The following LRRC53 variants were observed in gnomAD, a reference collection of about 807,000 sequenced individuals.
LRRC53 encodes leucine rich repeat containing 53, also known as leucine-rich repeat-containing protein 53.
Under a neutral mutation model 13.6 loss-of-function variants are expected in LRRC53, and 25 were observed. The ratio of observed to expected loss-of-function variants is 1.83; its 90% CI spans 1.34 to 2.56. The LOEUF (loss-of-function observed/expected upper bound fraction) is 2.56. LRRC53 is among the 30% of genes most tolerant of loss of function. LRRC53 has a pLI of 0.00. For missense variants in LRRC53, 527 were observed against 275.8 expected, an observed-to-expected ratio of 1.91 and a Z score of -6.45; for synonymous variants, 204 against 109.8, an observed-to-expected ratio of 1.86 and a Z score of -5.37.
At position 74,480,825 on chromosome 1, in the gene LRRC53, G is replaced by A; in HGVS notation, c.232C>T (p.His78Tyr). The A allele has an allele frequency of 1.4e-6, 1 of 717,596 alleles. No homozygotes were observed. Among genetic ancestry groups the A allele is most frequent in the African/African-American group, 1.7e-5 (1 of 57,390 alleles). 44.5% of individuals were successfully genotyped at this position (717,596 alleles called of 1,614,324 possible). Residue 78 changes from histidine (H) to tyrosine (Y), a missense_variant, in exon 3 of 5, where the codon CAT (histidine) becomes TAT (tyrosine). Transcript: ENST00000294635. ...GIEDVQEDAL[H>Y]GLTMLRTLLL... ...AAGGTCCGCAACATCGTAAGCCCATGCAGGGCATCTTCCTGAACATCCTCG... is the reference window on the plus strand; with the variant it reads ...AAGGTCCGCAACATCGTAAGCCCATACAGGGCATCTTCCTGAACATCCTCG...
the LRRC53 span, among the ~76,000 whole-genome samples, chr1:74,523,361 A>C: frequency 1.3e-5 from 2 of 152,308 alleles, no homozygotes; most frequent in Admixed American, 6.5e-5. Context: ...TTCTATACAC[A>C]TATCTAAGAG....
At chr1:74,511,930 A>C (rs1670248269) in intron 1 of LRRC53, among the ~76,000 whole-genome samples, 1 of 152,236 alleles carries the variant, frequency 6.6e-6, no homozygotes, top group South Asian at 2.1e-4. Context: ...CAGAAGCTAT[A>C]GATGAGGATC....
intron 3 of LRRC53, among the ~76,000 whole-genome samples, chr1:74,479,368 A>G (rs1380206483): frequency 6.6e-6 from 1 of 152,268 alleles, no homozygotes; most frequent in Non-Finnish European, 1.5e-5. Flanking sequence ...TAAATTTTAA[A>G]TTACAAAAAA....
chr1:74,490,240 A>T (rs191630228), intron 1 of LRRC53, among the ~76,000 whole-genome samples: 3 of 152,278 alleles, frequency 2.0e-5, no homozygotes, highest in African/African-American at 7.2e-5. Context: ...CCCTTCTCTT[A>T]TTCAGTACTG....
intron 1 of LRRC53, among the ~76,000 whole-genome samples, chr1:74,501,460 GT>G (rs113466725): frequency 1.0e-4 from 15 of 144,348 alleles, no homozygotes; most frequent in East Asian, 8.6e-4. Flanking sequence ...AACTTGGAGG[GT>G]TTTTTTTGTT....
chr1:74,517,568 A>G (rs1210582862), upstream of LRRC53, among the ~76,000 whole-genome samples: 1 of 152,184 alleles, frequency 6.6e-6, no homozygotes, highest in African/African-American at 2.4e-5. Flanking sequence ...GTATTTATGG[A>G]GAACTCCACA....
chr1:74,489,271 T>C (rs1413913542), intron 1 of LRRC53: 1 of 1,601,140 alleles, frequency 6.2e-7, no homozygotes, highest in African/African-American at 1.4e-5. Context: ...GCTTCTGAAA[T>C]ATGTCCATAA....
At chr1:74,506,648 C>G (rs1669916662) in intron 1 of LRRC53, among the ~76,000 whole-genome samples, 1 of 152,218 alleles carries the variant, frequency 6.6e-6, no homozygotes, top group African/African-American at 2.4e-5. Flanking sequence ...AATGTACAAT[C>G]TCAGGCCCCA....
In LRRC53 at chr1:74,488,644, G is replaced by C. The variant is rs569547573; in HGVS notation, c.-26-5269C>G. ...TTTTTAACCAAACTCGTCTGACACA[G>C]AGGTTCATAATGGGCAATATTTTTA... On this transcript the variant is annotated intron_variant, in intron 1 of 4. Transcript: ENST00000294635. Among the ~76,000 whole-genome samples, 27 of 152,240 alleles carry C rather than the reference G, an allele frequency of 1.8e-4. No individual in the cohort carries two copies. The South Asian group carries it at 5.4e-3, about 30-fold the overall frequency.
Position 74,483,362 on chromosome 1 carries a change from T to A in LRRC53, c.-13A>T, listed in dbSNP as rs1231911110. On this transcript the variant is annotated 5_prime_UTR_variant, in exon 2 of 5. Transcript: ENST00000294635. Reference sequence around the variant, plus strand: ...CCAACCGCAACATGATGGCAAAGAGTACCAGCCATCCACCTGAAAGGAAAG... The same window carrying A: ...CCAACCGCAACATGATGGCAAAGAGAACCAGCCATCCACCTGAAAGGAAAG... The A allele has an allele frequency of 1.4e-6, 1 of 717,136 alleles. No individual in the cohort carries two copies. Among genetic ancestry groups the A allele is most frequent in the Admixed American group, 2.0e-5 (1 of 50,000 alleles). The allele number at this position is 717,136 out of a possible 1,614,324, so 44.4% of individuals were successfully genotyped here. A position where few individuals can be genotyped will look rare whatever the true frequency, so the allele number is the denominator to read the frequency against.
the LRRC53 span, among the ~76,000 whole-genome samples, chr1:74,527,623 A>G: frequency 6.6e-6 from 1 of 152,212 alleles, no homozygotes; most frequent in Non-Finnish European, 1.5e-5. Flanking sequence ...AGGCCAGGTC[A>G]TGAGGGCTTT....
intron 1 of LRRC53, among the ~76,000 whole-genome samples, chr1:74,507,304 G>A (rs141626938): frequency 4.8e-4 from 70 of 146,808 alleles, no homozygotes; most frequent in Non-Finnish European, 7.9e-4. Context: ...TCCTCCTGTA[G>A]GAAGTTGTCC....
intron 1 of LRRC53, among the ~76,000 whole-genome samples, chr1:74,511,908 G>A (rs1253973531): frequency 1.3e-5 from 2 of 152,208 alleles, no homozygotes; most frequent in African/African-American, 2.4e-5. Flanking sequence ...AAAGGGTTGA[G>A]TGTGGGTAGA....
rs12024692 is a variant in LRRC53 at position 74,504,441 on chromosome 1, G to C, written c.-27+8085C>G. On this transcript the variant is annotated intron_variant, in intron 1 of 4. Coordinates refer to ENST00000294635, the MANE Select transcript of LRRC53 (RefSeq NM_001382280.1). ...AACAAAGGTGTGCAGCCTCAAAGTT[G>C]AGGAGCATGTGAAAAATGTCAATCT... 1.7e-4 allele frequency among the ~76,000 whole-genome samples: 26 copies of C among 152,290 alleles called. No homozygotes were observed. In the East Asian group the frequency reaches 4.2e-3, roughly 25 times the overall value.
At position 74,489,235 on chromosome 1, in the gene LRRC53, T is replaced by C. The variant is rs200840425; in HGVS notation, c.-26-5860A>G. On this transcript the variant is annotated intron_variant, in intron 1 of 4. Coordinates refer to ENST00000294635, the MANE Select transcript of LRRC53 (RefSeq NM_001382280.1). ...GTTGTCATGAAGTTAGAAGAGTGTCTCTGCAACATTGAGGTAAAAGCTTTA... is the reference window on the plus strand; with the variant it reads ...GTTGTCATGAAGTTAGAAGAGTGTCCCTGCAACATTGAGGTAAAAGCTTTA... 26 of 1,611,918 alleles carry C rather than the reference T, an allele frequency of 1.6e-5. No individual in the cohort carries two copies. The highest frequency in any genetic ancestry group is 1.9e-5 in the Non-Finnish European group (22 of 1,179,074).
Position 74,492,037 on chromosome 1 carries a change from G to A in LRRC53, c.-26-8662C>T, listed in dbSNP as rs1669104004. The A allele has an allele frequency of 5.8e-6, 8 of 1,380,574 alleles. No homozygotes were observed. The South Asian group carries it at 1.3e-4, about 23-fold the overall frequency. The allele number at this position is 1,380,574 out of a possible 1,614,324, so 85.5% of individuals were successfully genotyped here. ...ATAGAAAGTTAAATCCATATTTTAT[G>A]TTATGTCTTCACACCTGTTGGAAGT... On this transcript the variant is annotated intron_variant, in intron 1 of 4. Transcript: ENST00000294635.
chr1:74,486,231 G>GAGAGAC (rs1265372060), intron 1 of LRRC53, among the ~76,000 whole-genome samples: 1 of 150,666 alleles, frequency 6.6e-6, no homozygotes, highest in Admixed American at 6.6e-5. Flanking sequence ...GAGAGAGAGA[G>GAGAGAC]AGGTGGGAAA....
the LRRC53 span, among the ~76,000 whole-genome samples, chr1:74,534,755 T>C: frequency 7.9e-5 from 12 of 152,298 alleles, no homozygotes; most frequent in Admixed American, 6.5e-4. Flanking sequence ...AATTCTTGTT[T>C]AGCAGTTCTG....
chr1:74,475,554 T>A lies in LRRC53; in HGVS notation c.1161A>T (p.Thr387=), dbSNP rs779447767. Residue 387 remains threonine (T), a synonymous_variant, in exon 4 of 5, where the codon ACA becomes ACT. Coordinates refer to ENST00000294635, the MANE Select transcript of LRRC53 (RefSeq NM_001382280.1). ...PLLQENSHQA[T]SASESATLDG... is the part of the protein sequence containing the mutation. ...CAAGGGTTGCAGACTCAGAGGCCGA[T>A]GTTGCTTGATGGCTATTTTCCTGTA... 74 of 717,472 alleles carry A rather than the reference T, an allele frequency of 1.0e-4. No individual in the cohort carries two copies. The East Asian group carries it at 1.7e-3, about 16-fold the overall frequency. 44.4% of individuals were successfully genotyped at this position (717,472 alleles called of 1,614,324 possible). A position where few individuals can be genotyped will look rare whatever the true frequency, so the allele number is the denominator to read the frequency against.
Sources: allele counts gnomAD v4.1 joint callset (sites outside exome capture counted in the v4.1 genomes callset), GRCh38; gene constraint gnomAD v4.1.1; transcripts MANE v1.5; gene names NCBI Gene and HGNC (gene_info 2026-07-23, HGNC 2026-07-21).